LCP2: variants seen among roughly 807,000 people sequenced by gnomAD.
The protein encoded by LCP2 is 76 kDa tyrosine phosphoprotein.
In LCP2, 29 loss-of-function variants were observed where a neutral mutation model predicts 74.5. The observed-to-expected ratio is 0.39, with a 90% CI of 0.29 to 0.53. The LOEUF (loss-of-function observed/expected upper bound fraction) is 0.53. Among genes scored for constraint, LCP2 ranks in the 20% least tolerant of loss-of-function variants. The pLI is 0.72. For synonymous variants in LCP2, 228 were observed against 229.5 expected (o/e 0.99, Z 0.06); for missense variants, 604 against 634.6 (o/e 0.95, Z 0.52).
chr5:170,281,612 C>G (rs533071213), intron 3 of LCP2, among the ~76,000 whole-genome samples: 3 of 152,212 alleles, frequency 2.0e-5, no homozygotes, highest in African/African-American at 4.8e-5. Flanking sequence ...TTCGCCTCTG[C>G]GTCCCTTCCT....
At chr5:170,274,792 T>G (rs532798873) in intron 5 of LCP2, among the ~76,000 whole-genome samples, 4 of 151,986 alleles carry the variant, frequency 2.6e-5, no homozygotes, top group African/African-American at 9.7e-5. Flanking sequence ...CTGGCTGACA[T>G]GGTGAAACCC....
At chr5:170,287,208 C>A (rs1762197086) in intron 3 of LCP2, among the ~76,000 whole-genome samples, 1 of 152,144 alleles carries the variant, frequency 6.6e-6, no homozygotes. Context: ...CATATGATAA[C>A]CGTGCTATTA....
At chr5:170,259,485 G>C (rs1463965852) in intron 14 of LCP2, among the ~76,000 whole-genome samples, 1 of 152,172 alleles carries the variant, frequency 6.6e-6, no homozygotes, top group African/African-American at 2.4e-5. Flanking sequence ...AGACAAGGGA[G>C]GGGCTATTTT....
intron 20 of LCP2, 144 bp downstream of exon 20, chr5:170,250,586 T>G (rs1400913583): frequency 1.5e-6 from 1 of 655,852 alleles, no homozygotes; most frequent in Non-Finnish European, 2.7e-6. Flanking sequence ...GCTTTATTTC[T>G]CTTCCAATAA....
At chr5:170,274,010 T>C (rs1761941595) in intron 6 of LCP2, 2 of 446,964 alleles carry the variant, frequency 4.5e-6, no homozygotes, top group Middle Eastern at 6.6e-4. Context: ...CCCTCTGTGT[T>C]TGCAAATGAA....
In LCP2 at chr5:170,275,339, C is replaced by T. The variant is rs776393837; in HGVS notation, c.267G>A (p.Pro89=). ...CTTTACCTGTCTCTTCAGGAAACCG[C>T]GGGACTTGGGGTCTGCAAAGGTAAA... is the stretch of plus-strand genomic sequence containing the variant. ...RSIFTRKPQV[P]RFPEETESHE... is the part of the protein sequence containing the mutation. Residue 89 remains proline (P), a synonymous_variant, in exon 5 of 21, where the codon CCG becomes CCA. Transcript: ENST00000046794. The T allele has an allele frequency of 1.7e-5, 28 of 1,613,844 alleles. No homozygotes were observed. Among genetic ancestry groups the T allele is most frequent in the Admixed American group, 6.7e-5 (4 of 60,006 alleles).
At chr5:170,295,514 G>T (rs937672943) in intron 1 of LCP2, among the ~76,000 whole-genome samples, 2 of 152,214 alleles carry the variant, frequency 1.3e-5, no homozygotes. Context: ...CAGGAAAGTC[G>T]CCAAGCTAGC....
intron 14 of LCP2, among the ~76,000 whole-genome samples, chr5:170,259,965 A>G (rs1301210559): frequency 1.3e-5 from 2 of 152,108 alleles, no homozygotes; most frequent in African/African-American, 4.8e-5. Context: ...TGTTATCCTC[A>G]CTGTCCAGCC....
intron 15 of LCP2, chr5:170,258,485 G>T (rs1761600070): frequency 2.9e-6 from 1 of 344,128 alleles, no homozygotes; most frequent in Non-Finnish European, 5.3e-6. Flanking sequence ...TTTCAGAAAT[G>T]ATTTACAAGT....
At chr5:170,283,831 A>G (rs372500327) in intron 3 of LCP2, among the ~76,000 whole-genome samples, 112 of 152,214 alleles carry the variant, frequency 7.4e-4, no homozygotes, top group South Asian at 2.9e-3. Flanking sequence ...ATGTCCTACA[A>G]TCCATCCCTC....
At chr5:170,291,584 C>T (rs1762297287) in intron 2 of LCP2, among the ~76,000 whole-genome samples, 3 of 152,224 alleles carry the variant, frequency 2.0e-5, no homozygotes, top group Non-Finnish European at 4.4e-5. Flanking sequence ...GATACCATCT[C>T]TCAAACAACC....
intron 5 of LCP2, among the ~76,000 whole-genome samples, 180 bp from the exon 6 acceptor site, chr5:170,274,518 G>A (rs1450931915): frequency 6.6e-6 from 1 of 152,114 alleles, no homozygotes; most frequent in Non-Finnish European, 1.5e-5. Flanking sequence ...CCTGCCCAAG[G>A]TGCTCATTCT....
At chr5:170,278,800 C>T (rs1055368608) in intron 3 of LCP2, among the ~76,000 whole-genome samples, 5 of 152,122 alleles carry the variant, frequency 3.3e-5, no homozygotes, top group African/African-American at 9.7e-5. Context: ...AACCGCAGGC[C>T]TCAGCAGAGG....
chr5:170,267,881 A>T (rs2113175253), intron 8 of LCP2, among the ~76,000 whole-genome samples: 1 of 152,332 alleles, frequency 6.6e-6, no homozygotes, highest in South Asian at 2.1e-4. Flanking sequence ...AAGGGAACAC[A>T]TTCCTAACTA....
At chr5:170,275,644 C>T (rs7731957) in intron 4 of LCP2, 151 bp downstream of exon 4, 43,748 of 721,170 alleles carry the variant, frequency 0.061, 1,546 homozygotes, top group Admixed American at 0.091. Flanking sequence ...GAGGGAACCC[C>T]TTCCCCTCGT....
At position 170,297,577 on chromosome 5, in the gene LCP2, A is replaced by G; in HGVS notation, c.35T>C (p.Val12Ala). Reference sequence around the variant, plus strand: ...AAGGCTGTCGGGGTCCCAGCCCAGGACCTCTGAGCGAAAGGGCACATTCCT... The same window carrying G: ...AAGGCTGTCGGGGTCCCAGCCCAGGGCCTCTGAGCGAAAGGGCACATTCCT... ...ALRNVPFRSE[V>A]LGWDPDSLAD... is the part of the protein sequence containing the mutation. The change falls in exon 1 of 21, where the codon GTC becomes GCC. Residue 12 changes from valine to alanine, a missense_variant. By Grantham distance (64) the Val-to-Ala change is moderately conservative. Coordinates refer to ENST00000046794, the MANE Select transcript of LCP2 (RefSeq NM_005565.5). 1 of 1,612,974 alleles carries G rather than the reference A, an allele frequency of 6.2e-7. No individual in the cohort carries two copies. Among genetic ancestry groups the G allele is most frequent in the Non-Finnish European group, 8.5e-7 (1 of 1,179,538 alleles).
At chr5:170,289,679 CTCTCTCTTTCTT>C (rs1423445612) in intron 2 of LCP2, among the ~76,000 whole-genome samples, 2 of 135,584 alleles carry the variant, frequency 1.5e-5, no homozygotes, top group African/African-American at 2.8e-5. Context: ...CTTTCTCTCT[CTCTCTCTTTCTT>C]TCTTTCTTTC....
At chr5:170,253,357 T>A (rs1431950377) in intron 17 of LCP2, 144 bp from the exon 18 acceptor site, 1 of 522,716 alleles carries the variant, frequency 1.9e-6, no homozygotes, top group East Asian at 3.2e-5. Context: ...AACAAGGGCT[T>A]CAAAAATAAT....
intron 17 of LCP2, 27 bp from the exon 18 acceptor site, chr5:170,253,240 T>TA: frequency 2.1e-6 from 3 of 1,419,274 alleles, no homozygotes; most frequent in Middle Eastern, 1.7e-4. Flanking sequence ...TTCTGACAGT[T>TA]AATTTACTGT....
Sources: allele counts gnomAD v4.1 joint callset (sites outside exome capture counted in the v4.1 genomes callset), GRCh38; gene constraint gnomAD v4.1.1; transcripts MANE v1.5; gene names NCBI Gene and HGNC (gene_info 2026-07-23, HGNC 2026-07-21).